The following SETBP1 variants were observed in gnomAD, a reference collection of about 807,000 sequenced individuals.
The protein encoded by SETBP1 is SET-binding protein.
In SETBP1, 9 loss-of-function variants were observed where a neutral mutation model predicts 101.0. That is an observed-to-expected ratio of 0.09 (90% CI 0.05 to 0.16). The LOEUF (loss-of-function observed/expected upper bound fraction) is 0.16, where lower values mean the gene tolerates loss of function less well. SETBP1 is among the 10% of genes least tolerant of loss of function. The pLI is 1.00. For synonymous variants in SETBP1, 818 were observed against 788.5 expected, an observed-to-expected ratio of 1.04 and a Z score of -0.63; for missense variants, 1,858 against 2,033.8, an observed-to-expected ratio of 0.91 and a Z score of 1.66.
At chr18:44,949,762 A>C in intron 3 of SETBP1, 119 bp from the exon 4 acceptor site, 1 of 806,972 alleles carries the variant, frequency 1.2e-6, no homozygotes, top group Non-Finnish European at 2.1e-6. Flanking sequence ...TCATTTCGGT[A>C]TTCATTTCCA....
intron 4 of SETBP1, among the ~76,000 whole-genome samples, chr18:45,021,326 A>C (rs891359774): frequency 1.3e-5 from 2 of 152,180 alleles, no homozygotes; most frequent in Non-Finnish European, 2.9e-5. Flanking sequence ...CACGGTTTAA[A>C]TCTATAATGC....
chr18:44,771,365 C>T (rs1313618725), intron 2 of SETBP1, among the ~76,000 whole-genome samples: 2 of 145,242 alleles, frequency 1.4e-5, no homozygotes, highest in Admixed American at 7.1e-5. Flanking sequence ...TGTCAGGTCC[C>T]GTTACTGAAA....
chr18:44,973,890 G>C (rs191205332), intron 4 of SETBP1, among the ~76,000 whole-genome samples: 55 of 152,270 alleles, frequency 3.6e-4, no homozygotes, highest in Admixed American at 2.9e-3. Context: ...GCTGGCAGAG[G>C]GGGGAGTAGG....
At chr18:44,868,870 C>T (rs2069202222) in intron 2 of SETBP1, among the ~76,000 whole-genome samples, 1 of 152,150 alleles carries the variant, frequency 6.6e-6, no homozygotes. Context: ...GCCCATCTCT[C>T]TAAGGAAATA....
At chr18:44,749,959 C>T (rs2070344238) in intron 2 of SETBP1, among the ~76,000 whole-genome samples, 1 of 151,848 alleles carries the variant, frequency 6.6e-6, no homozygotes, top group East Asian at 1.9e-4. Context: ...TGGGTGGGAG[C>T]AGGGTGGGAT....
chr18:45,055,085 C>T (rs2073786498), intron 5 of SETBP1, among the ~76,000 whole-genome samples: 2 of 152,302 alleles, frequency 1.3e-5, no homozygotes, highest in South Asian at 4.1e-4. Context: ...TCTACTATGA[C>T]ACAGGAACTG....
At chr18:44,887,223 A>G (rs772583442) in intron 3 of SETBP1, among the ~76,000 whole-genome samples, 4 of 152,168 alleles carry the variant, frequency 2.6e-5, no homozygotes, top group Non-Finnish European at 5.9e-5. Context: ...TAGGTGCCCA[A>G]TAAAAGGAGG....
chr18:44,683,703 T>G (rs2068794250), intron 1 of SETBP1, among the ~76,000 whole-genome samples: 1 of 152,180 alleles, frequency 6.6e-6, no homozygotes, highest in African/African-American at 2.4e-5. Context: ...ACACTGAAAC[T>G]TGGCTGGGCC....
intron 3 of SETBP1, among the ~76,000 whole-genome samples, chr18:44,894,559 T>C (rs2069847743): frequency 2.0e-5 from 3 of 152,134 alleles, no homozygotes; most frequent in African/African-American, 4.8e-5. Context: ...GTTGACTAAT[T>C]ATAGGTATAT....
chr18:44,890,008 T>A (rs1452969471), intron 3 of SETBP1, among the ~76,000 whole-genome samples: 1 of 152,216 alleles, frequency 6.6e-6, no homozygotes, highest in Non-Finnish European at 1.5e-5. Flanking sequence ...GATGTTTTGA[T>A]ATATGCATCC....
chr18:44,904,482 A>T (rs956315026), intron 3 of SETBP1, among the ~76,000 whole-genome samples: 1 of 152,194 alleles, frequency 6.6e-6, no homozygotes, highest in African/African-American at 2.4e-5. Context: ...GATGTCAATA[A>T]AGTTGGTATT....
intron 2 of SETBP1, among the ~76,000 whole-genome samples, chr18:44,714,857 G>T (rs1051399195): frequency 6.6e-6 from 1 of 152,114 alleles, no homozygotes; most frequent in African/African-American, 2.4e-5. Context: ...GCATGGTGTG[G>T]ACAATCACAT....
At chr18:44,685,442 C>T (rs1023741705) in intron 1 of SETBP1, among the ~76,000 whole-genome samples, 11 of 152,160 alleles carry the variant, frequency 7.2e-5, no homozygotes, top group African/African-American at 2.7e-4. Context: ...ACTGGGTTGC[C>T]TGAAATGACA....
chr18:44,997,056 T>A (rs2072512739), intron 4 of SETBP1, among the ~76,000 whole-genome samples: 1 of 152,110 alleles, frequency 6.6e-6, no homozygotes, highest in Non-Finnish European at 1.5e-5. Context: ...TAATCAGGGA[T>A]GAGGAGAACA....
Position 44,949,925 on chromosome 18 carries a change from G to A in SETBP1, c.585G>A (p.Thr195=), listed in dbSNP as rs749041973. ...PQKHSTLHYD[T]GLPQDFTGDT... ...AACATTCAACTCTCCATTATGACAC[G>A]GGCCTCCCACAGGACTTCACCGGTG... Residue 195 remains threonine (T), a synonymous_variant, in exon 4 of 6, where the codon ACG becomes ACA. Transcript: ENST00000649279. The A allele has an allele frequency of 3.5e-5, 57 of 1,613,714 alleles. No homozygotes were observed. The highest frequency in any genetic ancestry group is 4.5e-5 in the East Asian group (2 of 44,882).
chr18:44,998,425 C>A (rs2072545285), intron 4 of SETBP1, among the ~76,000 whole-genome samples: 1 of 152,210 alleles, frequency 6.6e-6, no homozygotes, highest in Non-Finnish European at 1.5e-5. Flanking sequence ...ATTAAAGACC[C>A]CGGAGATTTC....
intron 2 of SETBP1, among the ~76,000 whole-genome samples, chr18:44,776,056 A>T (rs568878606): frequency 6.6e-6 from 1 of 152,160 alleles, no homozygotes; most frequent in Non-Finnish European, 1.5e-5. Context: ...CTCATCTCCT[A>T]TGAAGTCCGG....
At chr18:44,703,800 C>G (rs1257515602) in intron 2 of SETBP1, among the ~76,000 whole-genome samples, 1 of 152,200 alleles carries the variant, frequency 6.6e-6, no homozygotes. Flanking sequence ...TCCACACATA[C>G]AGAAACTTCT....
intron 5 of SETBP1, among the ~76,000 whole-genome samples, chr18:45,045,289 G>A (rs1244522765): frequency 1.3e-5 from 2 of 152,166 alleles, no homozygotes; most frequent in African/African-American, 2.4e-5. Context: ...AGGCATAGTG[G>A]CGGGCACCTA....
Sources: gnomAD v4.1 joint callset for allele counts (sites outside exome capture counted in the v4.1 genomes callset) on GRCh38, gnomAD v4.1.1 for gene constraint, MANE v1.5 for transcripts, NCBI Gene and HGNC (gene_info 2026-07-23, HGNC 2026-07-21) for gene names.